Variants in EYS observed in about 807,000 individuals in gnomAD.
EYS encodes the protein protein eyes shut homolog.
EYS carries 250 observed loss-of-function variants against 282.1 expected under a neutral mutation model. That is an observed-to-expected ratio of 0.89 (90% confidence interval 0.80 to 0.98). EYS has a LOEUF of 0.98. Ranked by LOEUF, EYS falls within the 50% of genes least tolerant of loss-of-function variation. EYS has a pLI of 0.00. For synonymous variants in EYS, 1,355 were observed against 1,282.9 expected (o/e 1.06, Z -1.20); for missense variants, 4,016 against 3,709.0 (o/e 1.08, Z -2.15).
At chr6:64,464,498 A>C (rs796158474) in intron 26 of EYS, among the ~76,000 whole-genome samples, 9 of 152,236 alleles carry the variant, frequency 5.9e-5, no homozygotes, top group African/African-American at 1.4e-4. Context: ...GAAATAGTTA[A>C]ATTGTCCCTG....
At chr6:64,897,095 C>A (rs1247544008) in intron 18 of EYS, among the ~76,000 whole-genome samples, 2 of 152,292 alleles carry the variant, frequency 1.3e-5, no homozygotes, top group Middle Eastern at 3.4e-3. Flanking sequence ...CAGTACAGTG[C>A]TCAAGCTCTG....
At chr6:64,826,969 C>T (rs1380821390) in intron 19 of EYS, among the ~76,000 whole-genome samples, 2 of 151,658 alleles carry the variant, frequency 1.3e-5, no homozygotes, top group African/African-American at 4.8e-5. Flanking sequence ...CTTGTCGCTG[C>T]TCTGATATTA....
At chr6:64,743,091 T>C (rs996081827) in intron 22 of EYS, among the ~76,000 whole-genome samples, 1 of 152,060 alleles carries the variant, frequency 6.6e-6, no homozygotes, top group African/African-American at 2.4e-5. Context: ...TATCTTCTAG[T>C]GAAATGAGAT....
intron 32 of EYS, among the ~76,000 whole-genome samples, chr6:64,070,357 T>C (rs547891380): frequency 4.6e-4 from 70 of 152,266 alleles, no homozygotes; most frequent in African/African-American, 1.6e-3. Context: ...TAATAAGATA[T>C]CAAATTCATT....
intron 1 of EYS, among the ~76,000 whole-genome samples, chr6:65,685,960 G>A (rs951621074): frequency 9.9e-5 from 15 of 151,996 alleles, no homozygotes; most frequent in Middle Eastern, 3.4e-3. Flanking sequence ...CCAGATCTCC[G>A]TTCAAGACTG....
At chr6:65,202,668 T>C (rs1194170936) in intron 12 of EYS, among the ~76,000 whole-genome samples, 2 of 152,200 alleles carry the variant, frequency 1.3e-5, no homozygotes, top group Non-Finnish European at 1.5e-5. Flanking sequence ...TAGACCTGAC[T>C]GAAAAGCTTA....
chr6:64,238,146 T>C (rs900200687), intron 30 of EYS, among the ~76,000 whole-genome samples: 4 of 152,184 alleles, frequency 2.6e-5, no homozygotes, highest in African/African-American at 9.6e-5. Context: ...ACGGGACAAA[T>C]GCATTTCTTT....
At chr6:64,748,542 A>G (rs1282028190) in intron 22 of EYS, among the ~76,000 whole-genome samples, 2 of 152,198 alleles carry the variant, frequency 1.3e-5, no homozygotes, top group Non-Finnish European at 2.9e-5. Flanking sequence ...CTTAACCTAA[A>G]GAAAGTTCAA....
At chr6:64,201,146 T>A (rs1357127576) in intron 31 of EYS, among the ~76,000 whole-genome samples, 1 of 152,158 alleles carries the variant, frequency 6.6e-6, no homozygotes, top group Admixed American at 6.6e-5. Flanking sequence ...TATTAATAGA[T>A]AACTTCACAG....
chr6:65,590,608 C>G (rs1765196229), intron 2 of EYS, among the ~76,000 whole-genome samples: 2 of 151,996 alleles, frequency 1.3e-5, no homozygotes, highest in African/African-American at 4.8e-5. Flanking sequence ...TTTGTACCCA[C>G]TGGACAACTT....
intron 14 of EYS, among the ~76,000 whole-genome samples, chr6:64,947,123 A>T (rs768560499): frequency 1.3e-5 from 2 of 151,866 alleles, no homozygotes; most frequent in Non-Finnish European, 2.9e-5. Flanking sequence ...TCCTGTACAG[A>T]TCTAGCACCC....
chr6:64,657,806 C>A (rs952617814), intron 22 of EYS, among the ~76,000 whole-genome samples: 11 of 152,124 alleles, frequency 7.2e-5, no homozygotes, highest in Non-Finnish European at 1.3e-4. Flanking sequence ...TTCATTTCAA[C>A]TTTGGTGAAT....
chr6:65,121,969 AT>A (rs1458856329), intron 12 of EYS, among the ~76,000 whole-genome samples: 2 of 152,172 alleles, frequency 1.3e-5, no homozygotes, highest in African/African-American at 4.8e-5. Flanking sequence ...CTAAAACTAA[AT>A]TTGGAAAAAA....
At chr6:64,560,533 A>T (rs1417850739) in intron 26 of EYS, among the ~76,000 whole-genome samples, 1 of 152,112 alleles carries the variant, frequency 6.6e-6, no homozygotes, top group East Asian at 1.9e-4. Flanking sequence ...CCATGGAAAC[A>T]GCAAGGTTCA....
chr6:65,228,181 T>A (rs1157298682), intron 12 of EYS, among the ~76,000 whole-genome samples: 1 of 152,008 alleles, frequency 6.6e-6, no homozygotes, highest in Non-Finnish European at 1.5e-5. Context: ...TCCATTTCCA[T>A]GCAACATCGT....
intron 29 of EYS, among the ~76,000 whole-genome samples, chr6:64,307,300 A>C (rs2150376154): frequency 6.6e-6 from 1 of 152,226 alleles, no homozygotes; most frequent in Admixed American, 6.5e-5. Flanking sequence ...ATAATGCTGC[A>C]ATGAACATGG....
intron 12 of EYS, among the ~76,000 whole-genome samples, chr6:65,260,670 A>G (rs962253207): frequency 2.6e-5 from 4 of 152,112 alleles, no homozygotes; most frequent in Admixed American, 1.3e-4. Flanking sequence ...ATACACGTTT[A>G]AGATTGAAAT....
intron 12 of EYS, among the ~76,000 whole-genome samples, chr6:65,163,123 A>G (rs773224070): frequency 3.8e-4 from 57 of 151,250 alleles, no homozygotes; most frequent in Non-Finnish European, 2.2e-4. Flanking sequence ...CTGATTTTCA[A>G]AATCTCTTTA....
At chr6:63,879,395 G>C (rs1442623557) in intron 35 of EYS, among the ~76,000 whole-genome samples, 1 of 152,154 alleles carries the variant, frequency 6.6e-6, no homozygotes, top group East Asian at 1.9e-4. Flanking sequence ...TTGGTGGAGA[G>C]AGGGAGAGGC....
Sources: allele counts gnomAD v4.1 joint callset (sites outside exome capture counted in the v4.1 genomes callset), GRCh38; gene constraint gnomAD v4.1.1; transcripts MANE v1.5; gene names NCBI Gene and HGNC (gene_info 2026-07-23, HGNC 2026-07-21).